The following PLXNA4 variants were observed in gnomAD, a reference collection of about 807,000 sequenced individuals.
The protein encoded by PLXNA4 is plexin A4.
Under a neutral mutation model 191.8 loss-of-function variants are expected in PLXNA4, and 44 were observed. That is an observed-to-expected ratio of 0.23 (90% confidence interval 0.18 to 0.29). PLXNA4 has a LOEUF of 0.29. Among genes scored for constraint, PLXNA4 ranks in the 10% least tolerant of loss-of-function variants. The pLI is 1.00. For missense variants in PLXNA4, 1,800 were observed against 2,488.8 expected (o/e 0.72, Z 5.89); for synonymous variants, 1,082 against 1,009.5 (o/e 1.07, Z -1.36).
chr7:132,562,985 T>TCCCTCCTCCTCCTCCCCCTCCTCCTCCTC (rs1563175152), intron 1 of PLXNA4, among the ~76,000 whole-genome samples: 1 of 7,594 alleles, frequency 1.3e-4, no homozygotes, highest in Non-Finnish European at 2.7e-4. Flanking sequence ...TCCTCCTCCT[T>TCCCTCCTCCTCCTCCCCCTCCTCCTCCTC]CTCCTCCTCC....
chr7:132,481,432 C>T (rs1389786977), intron 3 of PLXNA4, among the ~76,000 whole-genome samples: 1 of 151,996 alleles, frequency 6.6e-6, no homozygotes, highest in Non-Finnish European at 1.5e-5. Context: ...AGGACAACCT[C>T]GGATTAGACC....
intron 3 of PLXNA4, among the ~76,000 whole-genome samples, chr7:132,371,393 C>G (rs1002572267): frequency 6.6e-6 from 1 of 152,180 alleles, no homozygotes; most frequent in African/African-American, 2.4e-5. Context: ...CTCTAACTTT[C>G]GGTATCTTAC....
At chr7:132,267,503 A>G (rs963014661) in intron 4 of PLXNA4, among the ~76,000 whole-genome samples, 6 of 152,308 alleles carry the variant, frequency 3.9e-5, no homozygotes, top group South Asian at 2.1e-4. Context: ...ACATGCCCCA[A>G]ATAGTCTTGG....
chr7:132,591,491 T>C (rs1585390791), intron 2 of PLXNA4, among the ~76,000 whole-genome samples: 1 of 152,336 alleles, frequency 6.6e-6, no homozygotes, highest in East Asian at 1.9e-4. Context: ...CTATTTCTAT[T>C]TATTTTTCTC....
rs181134029 is a variant in PLXNA4, at chr7:132,623,115, C to T, written c.-87+22813G>A. Among the ~76,000 whole-genome samples the T allele has an allele frequency of 5.1e-3, 772 of 152,128 alleles. 2 individuals carry two copies. The highest frequency in any genetic ancestry group is 7.5e-3 in the Admixed American group (114 of 15,288). ...ATCCCAGCACTTTGGGTGGCTGAGG[C>T]GGGTGGATCACCTGAGGTCTGGAGT... On this transcript the variant is annotated intron_variant, in intron 2 of 4. Transcript: ENST00000378539.
intron 3 of PLXNA4, among the ~76,000 whole-genome samples, chr7:132,464,747 C>T (rs569352307): frequency 6.6e-6 from 1 of 152,260 alleles, no homozygotes; most frequent in East Asian, 1.9e-4. Flanking sequence ...GGAGTTAGTC[C>T]CTCCCCTCAG....
intron 8 of PLXNA4, among the ~76,000 whole-genome samples, chr7:132,224,548 G>T (rs538454488): frequency 1.4e-3 from 206 of 152,280 alleles, no homozygotes; most frequent in African/African-American, 4.8e-3. Context: ...ATTGATTTTT[G>T]ACTCCACTGT....
chr7:132,379,206 G>A (rs1226381301), intron 3 of PLXNA4, among the ~76,000 whole-genome samples: 1 of 152,130 alleles, frequency 6.6e-6, no homozygotes, highest in Non-Finnish European at 1.5e-5. Flanking sequence ...CCCCATGATT[G>A]GAGATATTCA....
chr7:132,504,538 T>G (rs207468617), intron 2 of PLXNA4, among the ~76,000 whole-genome samples: 1 of 152,182 alleles, frequency 6.6e-6, no homozygotes, highest in Non-Finnish European at 1.5e-5. Flanking sequence ...GGAGCACAGT[T>G]GACATTCATT....
chr7:132,640,077 A>C (rs1803708964), intron 2 of PLXNA4, among the ~76,000 whole-genome samples: 1 of 152,246 alleles, frequency 6.6e-6, no homozygotes. Context: ...TGACACCAGC[A>C]TCTGAAGCAT....
intron 30 of PLXNA4, among the ~76,000 whole-genome samples, chr7:132,134,050 C>A (rs1390537024): frequency 6.6e-6 from 1 of 152,158 alleles, no homozygotes; most frequent in Admixed American, 6.5e-5. Context: ...GAAAGTAAAC[C>A]TGAAACCTAG....
chr7:132,251,861 G>C (rs1799263651), intron 4 of PLXNA4, among the ~76,000 whole-genome samples: 2 of 152,212 alleles, frequency 1.3e-5, no homozygotes, highest in African/African-American at 2.4e-5. Flanking sequence ...TCTCTGGCTA[G>C]GAAACAAACA....
intron 3 of PLXNA4, among the ~76,000 whole-genome samples, chr7:132,351,556 G>A (rs1012640021): frequency 2.0e-5 from 3 of 152,196 alleles, no homozygotes; most frequent in African/African-American, 4.8e-5. Context: ...GGAAGAAAGC[G>A]ATGAGTCCTT....
chr7:132,305,565 C>T (rs1056923907), intron 3 of PLXNA4, among the ~76,000 whole-genome samples: 13 of 152,172 alleles, frequency 8.5e-5, no homozygotes, highest in African/African-American at 2.2e-4. Context: ...GGTGAGTCTC[C>T]GCACTGCCAG....
chr7:132,563,995 C>T (rs1801564306), intron 1 of PLXNA4, among the ~76,000 whole-genome samples: 3 of 11,084 alleles, frequency 2.7e-4, no homozygotes, highest in African/African-American at 3.1e-4. Context: ...CCTCCTCCTC[C>T]TTCTCCTCCT....
chr7:132,290,488 C>T (rs1007239881), intron 4 of PLXNA4, among the ~76,000 whole-genome samples: 4 of 152,210 alleles, frequency 2.6e-5, no homozygotes, highest in African/African-American at 9.6e-5. Flanking sequence ...TCACCTCCTT[C>T]CCATTGGCTT....
chr7:132,412,979 C>G (rs1794520496), intron 3 of PLXNA4, among the ~76,000 whole-genome samples: 1 of 151,646 alleles, frequency 6.6e-6, no homozygotes, highest in African/African-American at 2.4e-5. Flanking sequence ...GACTAGGAAA[C>G]AAAGATCTGA....
chr7:132,633,891 T>C (rs1055401688), intron 2 of PLXNA4, among the ~76,000 whole-genome samples: 1 of 152,036 alleles, frequency 6.6e-6, no homozygotes, highest in African/African-American at 2.4e-5. Context: ...AGGAATGAAG[T>C]TGAGCTCTCC....
At chr7:132,142,195 T>A (rs1257383250) in intron 29 of PLXNA4, among the ~76,000 whole-genome samples, 1 of 152,206 alleles carries the variant, frequency 6.6e-6, no homozygotes, top group Non-Finnish European at 1.5e-5. Flanking sequence ...CTGCCCCTTT[T>A]GGCTGTAGCC....
Sources: gnomAD v4.1 joint callset for allele counts (sites outside exome capture counted in the v4.1 genomes callset) on GRCh38, gnomAD v4.1.1 for gene constraint, MANE v1.5 for transcripts, NCBI Gene and HGNC (gene_info 2026-07-23, HGNC 2026-07-21) for gene names.